Variants in WIPF2 observed in about 807,000 individuals in gnomAD.
WIPF2 encodes WAS/WASL interacting protein family member 2.
In WIPF2, 23 loss-of-function variants were observed where a neutral mutation model predicts 38.8. That is an observed-to-expected ratio of 0.59 (90% CI 0.43 to 0.84). WIPF2 has a LOEUF of 0.84. Among genes scored for constraint, WIPF2 ranks in the 40% least tolerant of loss-of-function variants. The pLI is 0.00. For missense variants in WIPF2, 574 were observed against 580.5 expected (o/e 0.99, Z 0.11); for synonymous variants, 210 against 223.2 (o/e 0.94, Z 0.53).
chr17:40,265,193 T>C, intron 5 of WIPF2, 47 bp downstream of exon 5: 2 of 1,535,148 alleles, frequency 1.3e-6, no homozygotes, highest in Admixed American at 2.1e-5. Flanking sequence ...GTGAGTTGAT[T>C]TTATCTTTCC....
chr17:40,224,799 A>G (rs751063287), intron 1 of WIPF2, among the ~76,000 whole-genome samples: 5 of 152,148 alleles, frequency 3.3e-5, no homozygotes, highest in African/African-American at 7.2e-5. Context: ...TGTCAAAGCA[A>G]AGAATAGTTG....
At chr17:40,268,445 T>A (rs1395513347) in intron 5 of WIPF2, among the ~76,000 whole-genome samples, 1 of 152,140 alleles carries the variant, frequency 6.6e-6, no homozygotes, top group Admixed American at 6.6e-5. Flanking sequence ...TCTGACCTCA[T>A]CCAGGAATAG....
At position 40,278,340 on chromosome 17, in the gene WIPF2, A is replaced by G; in HGVS notation, c.*115A>G. On this transcript the variant is annotated 3_prime_UTR_variant, in exon 8 of 8. Coordinates refer to ENST00000323571, the MANE Select transcript of WIPF2 (RefSeq NM_133264.5). ...GCTCCTAACATGTTTCTCCAATGCA[A>G]TCAAGCCCTAGACTCCAAATGTCCT... 1.6e-6 allele frequency: 2 copies of G among 1,260,760 alleles called. No individual in the cohort carries two copies. Among genetic ancestry groups the G allele is most frequent in the Non-Finnish European group, 2.2e-6 (2 of 890,590 alleles). 78.1% of individuals were successfully genotyped at this position (1,260,760 alleles called of 1,614,324 possible). A position where few individuals can be genotyped will look rare whatever the true frequency, so the allele number is the denominator to read the frequency against.
At chr17:40,256,230 A>G (rs1236715131) in intron 1 of WIPF2, among the ~76,000 whole-genome samples, 161 bp from the exon 2 acceptor site, 3 of 152,168 alleles carry the variant, frequency 2.0e-5, no homozygotes, top group Non-Finnish European at 2.9e-5. Flanking sequence ...AATTAAAACA[A>G]TTGATTTAAA....
intron 1 of WIPF2, among the ~76,000 whole-genome samples, chr17:40,233,212 T>C (rs2030822062): frequency 1.3e-5 from 2 of 152,186 alleles, no homozygotes; most frequent in African/African-American, 2.4e-5. Flanking sequence ...CTTAACTGCA[T>C]TGGTACCAGA....
intron 1 of WIPF2, among the ~76,000 whole-genome samples, chr17:40,239,823 A>C (rs1170499613): frequency 1.3e-5 from 2 of 150,460 alleles, no homozygotes; most frequent in Non-Finnish European, 3.0e-5. Flanking sequence ...CAGCCTCCCA[A>C]GTAGCTGGGA....
chr17:40,235,075 C>T (rs1432536198), intron 1 of WIPF2, among the ~76,000 whole-genome samples: 2 of 152,098 alleles, frequency 1.3e-5, no homozygotes, highest in Admixed American at 6.6e-5. Flanking sequence ...TCCGCCACCA[C>T]GCCCAGCTAA....
intron 1 of WIPF2, among the ~76,000 whole-genome samples, chr17:40,225,376 A>G (rs2030436568): frequency 6.6e-6 from 1 of 151,934 alleles, no homozygotes; most frequent in Non-Finnish European, 1.5e-5. Context: ...CAACAATGTT[A>G]ATAGGAAAAA....
rs541435144 is a variant in WIPF2 at position 40,274,959 on chromosome 17, G to C, written c.1180+960G>C. On this transcript the variant is annotated intron_variant, in intron 6 of 7. Coordinates refer to ENST00000323571, the MANE Select transcript of WIPF2 (RefSeq NM_133264.5). ...AAAAAAAAAAAAAAAAAAAAAGTCG[G>C]CTGGGTGCAGTGGCTCACGCCTGTA... 4.1e-4 allele frequency among the ~76,000 whole-genome samples: 61 copies of C among 148,066 alleles called. 1 individual carries two copies. The South Asian group carries it at 0.013, about 31-fold the overall frequency.
intron 1 of WIPF2, among the ~76,000 whole-genome samples, chr17:40,245,669 G>A (rs1486236731): frequency 2.0e-5 from 3 of 152,020 alleles, no homozygotes; most frequent in African/African-American, 4.8e-5. Context: ...TGTTGTGGGC[G>A]GCTGTCTTAT....
intron 5 of WIPF2, among the ~76,000 whole-genome samples, chr17:40,272,361 C>G (rs539496951): frequency 1.6e-4 from 25 of 152,228 alleles, no homozygotes; most frequent in Admixed American, 1.4e-3. Flanking sequence ...GGGGCGACCT[C>G]AGAAATGAAA....
rs912534675 is a variant in WIPF2 at position 40,219,459 on chromosome 17, G to A, written c.-103G>A. Reference sequence around the variant, plus strand: ...ACAGGACGAAGCCGGAGTGTAGGCGGCAGAGGATTCGCTCCCAGAGCAGCT... The same window carrying A: ...ACAGGACGAAGCCGGAGTGTAGGCGACAGAGGATTCGCTCCCAGAGCAGCT... On this transcript the variant is annotated 5_prime_UTR_variant, in exon 1 of 8. Coordinates refer to ENST00000323571, the MANE Select transcript of WIPF2 (RefSeq NM_133264.5). The A allele has an allele frequency of 1.1e-4, 30 of 266,940 alleles. No individual in the cohort carries two copies. Among genetic ancestry groups the A allele is most frequent in the African/African-American group, 6.8e-4 (29 of 42,892 alleles). 16.5% of individuals were successfully genotyped at this position (266,940 alleles called of 1,614,324 possible). A position where few individuals can be genotyped will look rare whatever the true frequency, so the allele number is the denominator to read the frequency against.
At position 40,237,896 on chromosome 17, in the gene WIPF2, CA is replaced by C. The variant is rs758183706; in HGVS notation, c.-70+18424del. The stretch of plus-strand genomic sequence containing the variant: ...CCTAACCCTGTCTCTACTAAAATAC[CA>C]AAAAAAAAAAAAAAAAAAATTAGCC... On this transcript the variant is annotated intron_variant, in intron 1 of 7. Coordinates refer to ENST00000323571, the MANE Select transcript of WIPF2 (RefSeq NM_133264.5). 2.8e-3 allele frequency among the ~76,000 whole-genome samples: 299 copies of C among 105,958 alleles called. 2 individuals are homozygous for C. The highest frequency in any genetic ancestry group is 4.9e-3 in the African/African-American group (133 of 26,986). The allele number at this position is 105,958 out of a possible 152,430, so 69.5% of individuals were successfully genotyped here. A position where few individuals can be genotyped will look rare whatever the true frequency, so the allele number is the denominator to read the frequency against.
chr17:40,258,015 G>A (rs2031782657), intron 2 of WIPF2, among the ~76,000 whole-genome samples: 1 of 152,148 alleles, frequency 6.6e-6, no homozygotes, highest in Non-Finnish European at 1.5e-5. Context: ...TTCATAACCT[G>A]TAGTTTTTAG....
chr17:40,226,138 C>G (rs1244227394), intron 1 of WIPF2, among the ~76,000 whole-genome samples: 1 of 150,400 alleles, frequency 6.6e-6, no homozygotes, highest in Non-Finnish European at 1.5e-5. Flanking sequence ...TCCCAATAAT[C>G]CCTCTGACTG....
chr17:40,274,325 A>G (rs964282574), intron 6 of WIPF2, among the ~76,000 whole-genome samples: 2 of 152,160 alleles, frequency 1.3e-5, no homozygotes, highest in African/African-American at 2.4e-5. Flanking sequence ...GATTATTCAG[A>G]CAGGACTTAT....
intron 1 of WIPF2, among the ~76,000 whole-genome samples, chr17:40,240,588 A>ATC (rs372524973): frequency 2.0e-5 from 3 of 150,312 alleles, no homozygotes; most frequent in African/African-American, 4.9e-5. Flanking sequence ...CTTTGTTGAC[A>ATC]TCTCTCTCTC....
In WIPF2 at chr17:40,273,917, G is replaced by A. The variant is rs140519230; in HGVS notation, c.1098G>A (p.Thr366=). The change falls in exon 6 of 8, where the codon ACG becomes ACA. Residue 366 remains threonine (T), a synonymous_variant. Coordinates refer to ENST00000323571, the MANE Select transcript of WIPF2 (RefSeq NM_133264.5). ...AGCCCCCACCTCCACCCTCAAGGAC[G>A]CCAGCTGGGCCACCCCCTCCTCCTC... The part of the protein sequence containing the change: ...RGKPPPPPSR[T]PAGPPPPPPP... 16 of 1,579,754 alleles carry A rather than the reference G, an allele frequency of 1.0e-5. No individual in the cohort carries two copies. Among genetic ancestry groups the A allele is most frequent in the African/African-American group, 5.7e-5 (4 of 70,178 alleles).
At chr17:40,238,461 G>A (rs2031064908) in intron 1 of WIPF2, among the ~76,000 whole-genome samples, 1 of 151,576 alleles carries the variant, frequency 6.6e-6, no homozygotes, top group Admixed American at 6.6e-5. Context: ...CCGCCATCAT[G>A]CCCGGCTAAT....
Sources: gnomAD v4.1 joint callset for allele counts (sites outside exome capture counted in the v4.1 genomes callset) on GRCh38, gnomAD v4.1.1 for gene constraint, MANE v1.5 for transcripts, NCBI Gene and HGNC (gene_info 2026-07-23, HGNC 2026-07-21) for gene names.